PEAK1: variants seen among roughly 807,000 people sequenced by gnomAD.
PEAK1 encodes pseudopodium enriched atypical kinase 1.
In PEAK1, 54 loss-of-function variants were observed where a neutral mutation model predicts 124.7. The observed-to-expected ratio is 0.43, with a 90% CI of 0.35 to 0.54. The LOEUF is 0.54. Among genes scored for constraint, PEAK1 ranks in the 20% least tolerant of loss-of-function variants. PEAK1 has a pLI of 0.01. For missense variants in PEAK1, 2,046 were observed against 2,134.5 expected, an observed-to-expected ratio of 0.96 and a Z score of 0.82; for synonymous variants, 719 against 760.0, an observed-to-expected ratio of 0.95 and a Z score of 0.89.
intron 2 of PEAK1, among the ~76,000 whole-genome samples, chr15:77,315,696 C>A: frequency 6.7e-6 from 1 of 149,872 alleles, no homozygotes; most frequent in South Asian, 2.1e-4. Flanking sequence ...GGAAAAAAAC[C>A]CATGAGTCTA....
intron 2 of PEAK1, among the ~76,000 whole-genome samples, chr15:77,314,346 C>A (rs2064737790): frequency 6.6e-6 from 1 of 151,728 alleles, no homozygotes; most frequent in Non-Finnish European, 1.5e-5. Context: ...CTGACCTCAA[C>A]CCTGTAATAT....
At chr15:77,184,577 C>T (rs1476618720) in intron 6 of PEAK1, among the ~76,000 whole-genome samples, 2 of 152,190 alleles carry the variant, frequency 1.3e-5, no homozygotes, top group African/African-American at 4.8e-5. Context: ...GGTTACATAA[C>T]TGCATACATT....
intron 5 of PEAK1, among the ~76,000 whole-genome samples, chr15:77,257,888 T>C (rs2152933411): frequency 6.6e-6 from 1 of 152,348 alleles, no homozygotes; most frequent in Admixed American, 6.5e-5. Context: ...TTAATCCATC[T>C]TGAATTGATT....
rs566216911 is a variant in PEAK1 at position 77,165,980 on chromosome 15, C to T, written c.3138-7284G>A. On this transcript the variant is annotated intron_variant, in intron 7 of 9. Coordinates refer to ENST00000682557, the MANE Select transcript of PEAK1 (RefSeq NM_001385026.1). ...GGCAAGCTTGGCATACTGCAGAAAC[C>T]CAGCAATAAATACTTGATTGTGAAG... Among the ~76,000 whole-genome samples, 7 of 152,168 alleles carry T rather than the reference C, an allele frequency of 4.6e-5. No homozygotes were observed. The South Asian group carries it at 8.3e-4, about 18-fold the overall frequency.
intron 7 of PEAK1, among the ~76,000 whole-genome samples, chr15:77,175,588 A>G (rs1167022725): frequency 6.6e-6 from 1 of 152,138 alleles, no homozygotes; most frequent in Non-Finnish European, 1.5e-5. Flanking sequence ...GTGATCATTA[A>G]AAAGTCAGGA....
intron 6 of PEAK1, among the ~76,000 whole-genome samples, chr15:77,218,534 C>T (rs758742395): frequency 6.6e-6 from 1 of 151,488 alleles, no homozygotes; most frequent in Non-Finnish European, 1.5e-5. Flanking sequence ...AGGAATTATG[C>T]CTCTATTTTC....
At chr15:77,396,011 T>C (rs1437145395) in intron 1 of PEAK1, among the ~76,000 whole-genome samples, 1 of 152,066 alleles carries the variant, frequency 6.6e-6, no homozygotes, top group African/African-American at 2.4e-5. Context: ...ACTATAACTT[T>C]TAAAAACACA....
chr15:77,368,456 T>C (rs771786023), intron 1 of PEAK1, among the ~76,000 whole-genome samples: 1 of 151,426 alleles, frequency 6.6e-6, no homozygotes, highest in Non-Finnish European at 1.5e-5. Context: ...AGGCGGAGGT[T>C]ATAGTGAGCT....
chr15:77,332,163 G>A (rs1482517686), intron 2 of PEAK1: 1 of 955,496 alleles, frequency 1.0e-6, no homozygotes, highest in Non-Finnish European at 1.2e-6. Flanking sequence ...AGTTGCTTTA[G>A]AGAATAGCTA....
intron 2 of PEAK1, among the ~76,000 whole-genome samples, chr15:77,323,765 C>T (rs1233194510): frequency 6.6e-6 from 1 of 152,028 alleles, no homozygotes; most frequent in Non-Finnish European, 1.5e-5. Context: ...ACTTTCTTCA[C>T]AGAATTGGAA....
intron 1 of PEAK1, among the ~76,000 whole-genome samples, chr15:77,392,013 G>A (rs550040791): frequency 1.2e-4 from 18 of 152,224 alleles, no homozygotes; most frequent in African/African-American, 4.1e-4. Flanking sequence ...TAACACCAAA[G>A]TGCAAAACTA....
At chr15:77,216,887 T>A (rs562360250) in intron 6 of PEAK1, among the ~76,000 whole-genome samples, 1 of 152,236 alleles carries the variant, frequency 6.6e-6, no homozygotes, top group East Asian at 1.9e-4. Flanking sequence ...CCTGAAGCGT[T>A]TCTTCGAAGA....
rs12904882 is a variant in PEAK1, at chr15:77,108,801, A to C, written c.*5355T>G. On this transcript the variant is annotated 3_prime_UTR_variant, in exon 10 of 10. Transcript: ENST00000682557. ...CTGAAACTTTCTTGATTTAAAAAAC[A>C]AAACCAAACCAAACCAAACCATGGG... 20,000 of 152,246 alleles carry C rather than the reference A, an allele frequency of 0.13. 1,385 individuals are homozygous for C. The highest frequency in any genetic ancestry group is 0.22 in the Middle Eastern group (66 of 294). 9.4% of individuals were successfully genotyped at this position (152,246 alleles called of 1,614,324 possible).
intron 9 of PEAK1, 107 bp from the exon 10 acceptor site, chr15:77,115,426 A>G (rs1048596587): frequency 2.9e-6 from 3 of 1,039,514 alleles, no homozygotes; most frequent in Non-Finnish European, 4.1e-6. Context: ...ACGATCATAT[A>G]GTAAAGTTGT....
chr15:77,236,998 T>G (rs777264595), intron 6 of PEAK1, among the ~76,000 whole-genome samples: 1 of 152,360 alleles, frequency 6.6e-6, no homozygotes, highest in East Asian at 1.9e-4. Flanking sequence ...TGTGGAACCA[T>G]GAGTCAATTA....
chr15:77,326,321 A>G (rs958408814), intron 2 of PEAK1, among the ~76,000 whole-genome samples: 2 of 152,196 alleles, frequency 1.3e-5, no homozygotes, highest in African/African-American at 4.8e-5. Context: ...ATGACAAACC[A>G]TAATACTTGG....
chr15:77,352,461 G>A (rs2067265945), intron 2 of PEAK1: 4 of 985,324 alleles, frequency 4.1e-6, no homozygotes, highest in Non-Finnish European at 4.8e-6. Context: ...ATGAGGGACA[G>A]CTGTTGAGAG....
chr15:77,286,745 T>C lies in PEAK1; in HGVS notation c.-602-241A>G, dbSNP rs183321344. Among the ~76,000 whole-genome samples, 546 of 152,302 alleles carry C rather than the reference T, an allele frequency of 3.6e-3. 2 individuals carry two copies. Among genetic ancestry groups the C allele is most frequent in the Middle Eastern group, 0.01 (3 of 294 alleles). On this transcript the variant is annotated intron_variant, in intron 2 of 9. Transcript: ENST00000682557. Reference sequence around the variant, plus strand: ...ATATTATAGTGCATTAAAATAAATTTGTTCCTTACTTCAAAAAATTACTTT... The same window carrying C: ...ATATTATAGTGCATTAAAATAAATTCGTTCCTTACTTCAAAAAATTACTTT...
At chr15:77,154,121 A>C (rs1399718581) in intron 8 of PEAK1, among the ~76,000 whole-genome samples, 1 of 152,102 alleles carries the variant, frequency 6.6e-6, no homozygotes, top group African/African-American at 2.4e-5. Context: ...TGGGAGTCTA[A>C]GTCTCTTTGT....
Sources: allele counts gnomAD v4.1 joint callset (sites outside exome capture counted in the v4.1 genomes callset), GRCh38; gene constraint gnomAD v4.1.1; transcripts MANE v1.5; gene names NCBI Gene and HGNC (gene_info 2026-07-23, HGNC 2026-07-21).